Variants in DNAJC13 observed in about 807,000 individuals in gnomAD.
DNAJC13 encodes dnaJ homolog subfamily C member 13.
In DNAJC13, 75 loss-of-function variants were observed where a neutral mutation model predicts 290.5. The observed-to-expected ratio is 0.26, with a 90% CI of 0.21 to 0.31. The LOEUF is 0.31. Ranked by LOEUF, DNAJC13 falls within the 10% of genes least tolerant of loss-of-function variation. The probability of loss-of-function intolerance (pLI) is 1.00; values close to 1 mark genes in which losing one functional copy is unlikely to be tolerated. For missense variants in DNAJC13, 2,260 were observed against 2,674.5 expected (o/e 0.85, Z 3.42); for synonymous variants, 862 against 892.0 (o/e 0.97, Z 0.60).
intron 45 of DNAJC13, among the ~76,000 whole-genome samples, chr3:132,513,692 G>C (rs1452067008): frequency 6.6e-6 from 1 of 152,132 alleles, no homozygotes; most frequent in Non-Finnish European, 1.5e-5. Flanking sequence ...GAGTCCCCTT[G>C]TTCAGGATAT....
Position 132,422,584 on chromosome 3 carries a change from T to C in DNAJC13, c.-14+4824T>C, listed in dbSNP as rs566833082. Among the ~76,000 whole-genome samples, 21 of 152,360 alleles carry C rather than the reference T, an allele frequency of 1.4e-4. No individual in the cohort carries two copies. In the South Asian group the frequency reaches 3.5e-3, roughly 26 times the overall value. On this transcript the variant is annotated intron_variant, in intron 1 of 55. Coordinates refer to ENST00000260818, the MANE Select transcript of DNAJC13 (RefSeq NM_015268.4). Reference sequence around the variant, plus strand: ...TGCCAATTTATAACACTTCTTGTTATGTGGAGTGATTCTTAATCATAGGAA... The same window carrying C: ...TGCCAATTTATAACACTTCTTGTTACGTGGAGTGATTCTTAATCATAGGAA...
Position 132,490,921 on chromosome 3 carries a change from A to T in DNAJC13, c.3493A>T (p.Arg1165Ter), listed in dbSNP as rs766555836. Reference sequence around the variant, plus strand: ...GACAAAAGGACAAGATATTTTTCAGAGAAGTATACTTGGGCACATTCTACC... The same window carrying T: ...GACAAAAGGACAAGATATTTTTCAGTGAAGTATACTTGGGCACATTCTACC... Reference protein sequence around the residue: ...EETKGQDIFQRSILGHILPEA... With the variant: ...EETKGQDIFQ Residue 1165 changes from arginine to a stop codon, truncating the protein, a stop_gained, in exon 32 of 56, where the codon AGA becomes TGA. Coordinates refer to ENST00000260818, the MANE Select transcript of DNAJC13 (RefSeq NM_015268.4). LOFTEE classifies it high-confidence loss of function. The T allele has an allele frequency of 6.3e-7, 1 of 1,597,274 alleles. No homozygotes were observed. Among genetic ancestry groups the T allele is most frequent in the South Asian group, 1.1e-5 (1 of 87,128 alleles).
At chr3:132,438,170 T>C (rs1347000000) in intron 2 of DNAJC13, among the ~76,000 whole-genome samples, 1 of 152,242 alleles carries the variant, frequency 6.6e-6, no homozygotes, top group Non-Finnish European at 1.5e-5. Flanking sequence ...ACATGTGTTT[T>C]CATTTATTTA....
chr3:132,425,540 A>G lies in DNAJC13; in HGVS notation c.-14+7780A>G, dbSNP rs1051770487. 2.0e-5 allele frequency among the ~76,000 whole-genome samples: 3 copies of G among 152,316 alleles called. No homozygotes were observed. The East Asian group carries it at 5.8e-4, about 29-fold the overall frequency. ...ATCCATCTTATTTTTTATGCATTTCAAAACAAATTCACATTTTTAGTTATT... is the reference window on the plus strand; with the variant it reads ...ATCCATCTTATTTTTTATGCATTTCGAAACAAATTCACATTTTTAGTTATT... On this transcript the variant is annotated intron_variant, in intron 1 of 55. Transcript: ENST00000260818.
chr3:132,522,785 T>A, intron 48 of DNAJC13, 43 bp from the exon 49 acceptor site: 1 of 1,507,926 alleles, frequency 6.6e-7, no homozygotes, highest in Non-Finnish European at 9.0e-7. Context: ...TATTGAGGTG[T>A]TTCCAATAGG....
In DNAJC13 at chr3:132,460,343, T is replaced by C. The variant is rs1274138163; in HGVS notation, c.1543T>C (p.Phe515Leu). The stretch of plus-strand genomic sequence containing the variant: ...GTTTCTGGAAAACTTACTGGAGAAA[T>C]TTAATTCCCATGTGGTAAGTTATAA... ...KKFLENLLEK[F>L]NSHVDHGTGA... Residue 515 changes from phenylalanine (F) to leucine (L), a missense_variant, in exon 14 of 56, where the codon TTT becomes CTT. Transcript: ENST00000260818. The C allele has an allele frequency of 6.2e-7, 1 of 1,604,464 alleles. No individual in the cohort carries two copies. Among genetic ancestry groups the C allele is most frequent in the Non-Finnish European group, 8.5e-7 (1 of 1,171,920 alleles).
intron 43 of DNAJC13, 97 bp downstream of exon 43, chr3:132,507,450 A>T (rs1242335034): frequency 5.6e-6 from 4 of 716,844 alleles, no homozygotes; most frequent in Non-Finnish European, 4.7e-6. Context: ...ACTTCATTTT[A>T]TTGCACTTTC....
intron 46 of DNAJC13, among the ~76,000 whole-genome samples, chr3:132,515,511 A>G (rs570223416): frequency 1.3e-5 from 2 of 151,902 alleles, no homozygotes; most frequent in Admixed American, 1.3e-4. Flanking sequence ...AGTCATTTGC[A>G]GATTGTTTTT....
intron 14 of DNAJC13, 52 bp from the exon 15 acceptor site, chr3:132,460,998 C>A: frequency 6.5e-7 from 1 of 1,531,754 alleles, no homozygotes; most frequent in Non-Finnish European, 8.9e-7. Context: ...TAAAATTTAA[C>A]TGAAGGTCCC....
intron 51 of DNAJC13, among the ~76,000 whole-genome samples, chr3:132,524,317 G>A (rs765918014): frequency 8.5e-5 from 13 of 152,194 alleles, no homozygotes; most frequent in Non-Finnish European, 1.6e-4. Context: ...ATTGAAGACA[G>A]TTGACCTACA....
intron 55 of DNAJC13, among the ~76,000 whole-genome samples, chr3:132,536,984 T>C (rs931689498): frequency 6.6e-5 from 10 of 152,204 alleles, no homozygotes; most frequent in African/African-American, 2.4e-4. Flanking sequence ...TATGTATCTA[T>C]ACAAGCCATT....
At chr3:132,499,639 C>A in intron 37 of DNAJC13, 95 bp from the exon 38 acceptor site, 1 of 1,032,926 alleles carries the variant, frequency 9.7e-7, no homozygotes, top group Non-Finnish European at 1.5e-6. Flanking sequence ...AAATATTTAA[C>A]ATTAAAGGGT....
At chr3:132,499,404 CTTTAA>C (rs1935342475) in intron 37 of DNAJC13, 94 bp downstream of exon 37, 2 of 1,090,002 alleles carry the variant, frequency 1.8e-6, no homozygotes, top group African/African-American at 1.6e-5. Flanking sequence ...AATGCAGATT[CTTTAA>C]TTTATTTCAG....
At position 132,525,749 on chromosome 3, in the gene DNAJC13, A is replaced by G; in HGVS notation, c.6200A>G (p.Lys2067Arg). The G allele has an allele frequency of 6.2e-7, 1 of 1,614,196 alleles. No individual in the cohort carries two copies. Among genetic ancestry groups the G allele is most frequent in the Non-Finnish European group, 8.5e-7 (1 of 1,180,012 alleles). Residue 2067 changes from lysine to arginine, a missense_variant, in exon 52 of 56, where the codon AAG becomes AGG. By Grantham distance (26) the Lys-to-Arg change is conservative. This residue lies in a region of DNAJC13 where 1,494 missense variants were observed against 1,693.7 expected (regional missense o/e 0.88). Coordinates refer to ENST00000260818, the MANE Select transcript of DNAJC13 (RefSeq NM_015268.4). ...AMNHRNNAIP[K>R]SAIRVIHALS... ...AATCATAGGAACAATGCCATTCCTA[A>G]GAGTGCCATTCGGGTTATCCATGCC...
chr3:132,493,197 A>G (rs1935119406), intron 33 of DNAJC13, among the ~76,000 whole-genome samples: 1 of 151,936 alleles, frequency 6.6e-6, no homozygotes, highest in Non-Finnish European at 1.5e-5. Flanking sequence ...CAGTATATAC[A>G]CTGTTGGCCT....
intron 55 of DNAJC13, among the ~76,000 whole-genome samples, chr3:132,535,549 T>A (rs561449882): frequency 3.9e-5 from 6 of 152,280 alleles, no homozygotes; most frequent in African/African-American, 1.4e-4. Context: ...GTGAAAATCC[T>A]CAAATTACCT....
At chr3:132,439,993 C>T (rs1020165581) in intron 2 of DNAJC13, among the ~76,000 whole-genome samples, 3 of 152,184 alleles carry the variant, frequency 2.0e-5, no homozygotes, top group Non-Finnish European at 4.4e-5. Context: ...CGCAGTGGCT[C>T]ACGACTATAA....
intron 2 of DNAJC13, among the ~76,000 whole-genome samples, chr3:132,444,887 T>C (rs1263225747): frequency 2.6e-5 from 4 of 152,144 alleles, no homozygotes; most frequent in Non-Finnish European, 4.4e-5. Flanking sequence ...TATAATTCTT[T>C]AGTTTCTCAC....
chr3:132,526,958 G>A (rs1391396072), intron 53 of DNAJC13, among the ~76,000 whole-genome samples: 1 of 152,160 alleles, frequency 6.6e-6, no homozygotes, highest in Admixed American at 6.5e-5. Context: ...GCTGGGGTTG[G>A]GGAGAATGGG....
Sources: allele counts gnomAD v4.1 joint callset (sites outside exome capture counted in the v4.1 genomes callset), GRCh38; gene constraint gnomAD v4.1.1; regional missense constraint gnomAD v4.1.1; transcripts MANE v1.5; gene names NCBI Gene and HGNC (gene_info 2026-07-23, HGNC 2026-07-21).